Variants in RIPOR2 observed in about 807,000 individuals in gnomAD.
The protein encoded by RIPOR2 is rho family-interacting cell polarization regulator 2.
RIPOR2 carries 39 observed loss-of-function variants against 114.5 expected under a neutral mutation model. The ratio of observed to expected loss-of-function variants is 0.34; its 90% confidence interval spans 0.26 to 0.44. The LOEUF (loss-of-function observed/expected upper bound fraction) is 0.44, where lower values mean the gene tolerates loss of function less well. Among genes scored for constraint, RIPOR2 ranks in the 20% least tolerant of loss-of-function variants. RIPOR2 has a pLI of 1.00. For missense variants in RIPOR2, 1,007 were observed against 1,255.1 expected (o/e 0.80, Z 2.99); for synonymous variants, 445 against 484.4 (o/e 0.92, Z 1.07).
chr6:24,979,894 A>G (rs973707574), intron 1 of RIPOR2, among the ~76,000 whole-genome samples: 10 of 152,238 alleles, frequency 6.6e-5, no homozygotes, highest in Admixed American at 6.5e-4. Flanking sequence ...CTTCATATAC[A>G]TTAAATGAAG....
intron 13 of RIPOR2, chr6:24,839,696 T>C (rs1761465001): frequency 3.3e-6 from 5 of 1,506,430 alleles, no homozygotes; most frequent in Non-Finnish European, 3.5e-6. Context: ...AGAACTGCTA[T>C]ATCCCTCTGC....
intron 1 of RIPOR2, among the ~76,000 whole-genome samples, chr6:24,932,274 T>C (rs892959815): frequency 3.3e-5 from 5 of 152,106 alleles, no homozygotes; most frequent in Non-Finnish European, 7.3e-5. Context: ...AACCATTTTC[T>C]AAATGACGTG....
chr6:24,966,752 G>C (rs1049720012), intron 1 of RIPOR2, among the ~76,000 whole-genome samples: 1 of 152,192 alleles, frequency 6.6e-6, no homozygotes, highest in Non-Finnish European at 1.5e-5. Flanking sequence ...CAGCCAGGGG[G>C]AGAATAAGGA....
At chr6:24,997,319 C>T (rs1241466463) in intron 1 of RIPOR2, among the ~76,000 whole-genome samples, 4 of 151,824 alleles carry the variant, frequency 2.6e-5, no homozygotes, top group Admixed American at 2.6e-4. Context: ...GTAGTAAACA[C>T]TGCGTTAGGC....
intron 1 of RIPOR2, among the ~76,000 whole-genome samples, chr6:24,945,363 G>T (rs1241151627): frequency 6.6e-6 from 1 of 152,134 alleles, no homozygotes; most frequent in Non-Finnish European, 1.5e-5. Flanking sequence ...AAATGCTAAA[G>T]ACAGTCCTTT....
At chr6:25,018,507 C>T (rs187108835) in intron 1 of RIPOR2, among the ~76,000 whole-genome samples, 1 of 152,170 alleles carries the variant, frequency 6.6e-6, no homozygotes, top group East Asian at 1.9e-4. Flanking sequence ...CGCTCCTTAA[C>T]CAATTGTTTG....
intron 8 of RIPOR2, among the ~76,000 whole-genome samples, chr6:24,857,879 C>A (rs1332269651): frequency 6.6e-6 from 1 of 152,154 alleles, no homozygotes; most frequent in Non-Finnish European, 1.5e-5. Flanking sequence ...CTCCGTTTAG[C>A]CTGGCATTCA....
intron 15 of RIPOR2, 49 bp downstream of exon 15, chr6:24,835,654 G>A: frequency 3.3e-6 from 5 of 1,510,776 alleles, no homozygotes; most frequent in Non-Finnish European, 4.5e-6. Context: ...ACACTTCCTG[G>A]TATGTAAATC....
chr6:24,823,808 G>C (rs958589698), intron 19 of RIPOR2, among the ~76,000 whole-genome samples: 3 of 152,166 alleles, frequency 2.0e-5, no homozygotes, highest in Non-Finnish European at 4.4e-5. Flanking sequence ...CCCAGCTGGA[G>C]TCCAGTGGCG....
chr6:24,811,657 C>CTTTTTTTTTTTTTTTTTTTTTT (rs1222503239), intron 20 of RIPOR2, among the ~76,000 whole-genome samples: 14 of 21,734 alleles, frequency 6.4e-4, no homozygotes, highest in African/African-American at 9.2e-4. Flanking sequence ...TCGTTTAGTA[C>CTTTTTTTTTTTTTTTTTTTTTT]TTTTTTTTTT....
At chr6:24,985,034 G>C (rs1296812748) in intron 1 of RIPOR2, among the ~76,000 whole-genome samples, 1 of 152,240 alleles carries the variant, frequency 6.6e-6, no homozygotes, top group African/African-American at 2.4e-5. Context: ...AAGAGCACTG[G>C]ACTTGGGTCC....
At chr6:24,957,053 A>G (rs912185761) in intron 1 of RIPOR2, among the ~76,000 whole-genome samples, 1 of 152,134 alleles carries the variant, frequency 6.6e-6, no homozygotes, top group Non-Finnish European at 1.5e-5. Context: ...TATTTCATCT[A>G]TTATCCACCA....
chr6:24,938,875 C>A (rs1035222752), upstream of RIPOR2, among the ~76,000 whole-genome samples: 2 of 152,026 alleles, frequency 1.3e-5, no homozygotes, highest in African/African-American at 2.4e-5. Context: ...GATGTGTTAA[C>A]TAAAAAGAAA....
chr6:24,920,434 T>A (rs1358230918), intron 1 of RIPOR2, among the ~76,000 whole-genome samples: 1 of 152,176 alleles, frequency 6.6e-6, no homozygotes, highest in Non-Finnish European at 1.5e-5. Flanking sequence ...CAACTTCAAA[T>A]ATTCACCTCC....
At chr6:24,862,461 G>A (rs116337725) in intron 7 of RIPOR2, among the ~76,000 whole-genome samples, 159 of 152,230 alleles carry the variant, frequency 1.0e-3, no homozygotes, top group African/African-American at 3.7e-3. Context: ...TCTATGTTTC[G>A]TTGTTCTGCT....
At chr6:24,989,991 A>T (rs1044213514) in intron 1 of RIPOR2, among the ~76,000 whole-genome samples, 9 of 152,094 alleles carry the variant, frequency 5.9e-5, no homozygotes, top group Non-Finnish European at 1.3e-4. Context: ...AGATCATGCC[A>T]TTGCACTTCA....
At chr6:25,013,745 A>C (rs77567949) in intron 1 of RIPOR2, among the ~76,000 whole-genome samples, 336 of 152,260 alleles carry the variant, frequency 2.2e-3, no homozygotes, top group African/African-American at 7.5e-3. Context: ...ATTAATATCA[A>C]ATTTTCAAAT....
intron 1 of RIPOR2, among the ~76,000 whole-genome samples, chr6:24,958,909 C>T (rs1395294083): frequency 4.6e-5 from 7 of 151,300 alleles, no homozygotes; most frequent in African/African-American, 1.7e-4. Flanking sequence ...GGCCGTCAAT[C>T]CTTGGTGTTC....
chr6:25,023,921 C>T (rs561187914), intron 1 of RIPOR2: 3 of 722,828 alleles, frequency 4.2e-6, no homozygotes, highest in South Asian at 2.7e-5. Context: ...ATTCCAGCCT[C>T]GTAGCTGATG....
Sources: gnomAD v4.1 joint callset for allele counts (sites outside exome capture counted in the v4.1 genomes callset) on GRCh38, gnomAD v4.1.1 for gene constraint, MANE v1.5 for transcripts, NCBI Gene and HGNC (gene_info 2026-07-23, HGNC 2026-07-21) for gene names.